The following MATN2 variants were observed in gnomAD, a reference collection of about 807,000 sequenced individuals.
MATN2 encodes the protein matrilin 2.
In MATN2, 69 loss-of-function variants were observed where a neutral mutation model predicts 103.2. The observed-to-expected ratio is 0.67, with a 90% CI of 0.55 to 0.82. The LOEUF (loss-of-function observed/expected upper bound fraction) is 0.82, where lower values mean the gene tolerates loss of function less well. Among genes scored for constraint, MATN2 ranks in the 40% least tolerant of loss-of-function variants. MATN2 has a pLI of 0.00. For missense variants in MATN2, 1,023 were observed against 1,211.5 expected (o/e 0.84, Z 2.31); for synonymous variants, 429 against 450.2 (o/e 0.95, Z 0.60).
At chr8:97,875,984 T>C (rs1354845105) in intron 1 of MATN2, among the ~76,000 whole-genome samples, 3 of 150,970 alleles carry the variant, frequency 2.0e-5, no homozygotes, top group South Asian at 2.1e-4. Context: ...CGTGAGCCAC[T>C]GCGCCTGGCC....
intron 5 of MATN2, among the ~76,000 whole-genome samples, chr8:97,962,473 G>T (rs1187652400): frequency 6.6e-6 from 1 of 152,196 alleles, no homozygotes; most frequent in Non-Finnish European, 1.5e-5. Flanking sequence ...AAAGTTAGGT[G>T]GTAGCCTGCA....
chr8:97,911,561 G>T (rs1563661718), intron 2 of MATN2, among the ~76,000 whole-genome samples: 1 of 151,848 alleles, frequency 6.6e-6, no homozygotes, highest in Non-Finnish European at 1.5e-5. Context: ...GCAAAAAATA[G>T]CTGGGCATGG....
chr8:97,991,412 C>G (rs1393450534), intron 6 of MATN2, among the ~76,000 whole-genome samples: 2 of 152,194 alleles, frequency 1.3e-5, no homozygotes, highest in Non-Finnish European at 2.9e-5. Flanking sequence ...TGCCACCATG[C>G]TCAGCTAACT....
chr8:98,021,113 G>A (rs1813574173), intron 12 of MATN2, 92 bp from the exon 13 acceptor site: 2 of 1,273,984 alleles, frequency 1.6e-6, no homozygotes, highest in African/African-American at 3.0e-5. Flanking sequence ...TTCTTTAAAA[G>A]AGATTACTTC....
intron 3 of MATN2, among the ~76,000 whole-genome samples, chr8:97,933,550 C>T (rs577204959): frequency 2.2e-5 from 3 of 134,590 alleles, no homozygotes; most frequent in Non-Finnish European, 4.7e-5. Flanking sequence ...ATCCTGGTGT[C>T]GAATAGGATA....
chr8:97,876,121 C>T (rs1195448829), intron 1 of MATN2, among the ~76,000 whole-genome samples: 1 of 152,076 alleles, frequency 6.6e-6, no homozygotes, highest in Non-Finnish European at 1.5e-5. Flanking sequence ...TAGCCAACCT[C>T]CCACCTCAGC....
chr8:97,999,470 C>T (rs11785807), intron 7 of MATN2, among the ~76,000 whole-genome samples: 71,477 of 152,064 alleles, frequency 0.47, 17,700 homozygotes, highest in Non-Finnish European at 0.53. Context: ...GTGATTCCTA[C>T]AGGCAGTAGA....
At chr8:98,011,801 G>A (rs1315717220) in intron 10 of MATN2, among the ~76,000 whole-genome samples, 1 of 152,164 alleles carries the variant, frequency 6.6e-6, no homozygotes, top group Non-Finnish European at 1.5e-5. Context: ...CACGGCAGAG[G>A]TGCAAGTCCA....
intron 4 of MATN2, among the ~76,000 whole-genome samples, chr8:97,949,384 G>A (rs1028903982): frequency 6.6e-6 from 1 of 151,992 alleles, no homozygotes; most frequent in African/African-American, 2.4e-5. Flanking sequence ...ATGTTGGCCA[G>A]GCTGGTCTTG....
At chr8:97,908,678 C>T (rs1332003852) in intron 2 of MATN2, among the ~76,000 whole-genome samples, 1 of 152,184 alleles carries the variant, frequency 6.6e-6, no homozygotes, top group African/African-American at 2.4e-5. Context: ...GCCACCCAGA[C>T]TGGAGTGTGG....
At chr8:97,911,148 C>G (rs997331550) in intron 2 of MATN2, among the ~76,000 whole-genome samples, 1 of 150,646 alleles carries the variant, frequency 6.6e-6, no homozygotes, top group African/African-American at 2.5e-5. Context: ...GCCACCAGGC[C>G]CAGCTAATTT....
rs16896490 is a variant in MATN2, at chr8:97,982,231, G to A, written c.1081+3223G>A. Among the ~76,000 whole-genome samples the A allele has an allele frequency of 0.026, 3,922 of 152,318 alleles. 80 individuals carry two copies. Among genetic ancestry groups the A allele is most frequent in the Non-Finnish European group, 0.039 (2,684 of 68,016 alleles). ...TAGAAAATAAGGCAAAAGCCCAGTC[G>A]TAAGAATGAAACACTCAGGAGTGCT... On this transcript the variant is annotated intron_variant, in intron 6 of 18. Transcript: ENST00000254898. The surrounding 1 kb of genome is among the most constrained non-coding windows in gnomAD (Gnocchi z 4.3).
intron 2 of MATN2, among the ~76,000 whole-genome samples, chr8:97,921,004 T>C (rs997125286): frequency 6.6e-6 from 1 of 152,218 alleles, no homozygotes; most frequent in Admixed American, 6.5e-5. Context: ...TGGGACCAGC[T>C]GTCTCCCTTC....
chr8:97,906,127 G>A (rs1819161551), intron 2 of MATN2, among the ~76,000 whole-genome samples: 1 of 152,078 alleles, frequency 6.6e-6, no homozygotes, highest in Non-Finnish European at 1.5e-5. Context: ...GTTCAACAGT[G>A]GCTGCAGCAT....
intron 6 of MATN2, among the ~76,000 whole-genome samples, chr8:97,984,435 T>C (rs1812128289): frequency 6.6e-6 from 1 of 152,256 alleles, no homozygotes; most frequent in Non-Finnish European, 1.5e-5. Context: ...AGTGACCATC[T>C]AAATTTTAAT....
At chr8:98,013,758 T>G (rs535950482) in intron 10 of MATN2, among the ~76,000 whole-genome samples, 1 of 152,356 alleles carries the variant, frequency 6.6e-6, no homozygotes, top group South Asian at 2.1e-4. Flanking sequence ...ATTCTGCTTC[T>G]GGATGTGTAA....
chr8:97,900,305 C>A (rs758694833), intron 2 of MATN2, among the ~76,000 whole-genome samples: 4 of 152,164 alleles, frequency 2.6e-5, no homozygotes, highest in Non-Finnish European at 5.9e-5. Context: ...CCAGATGGAC[C>A]AAGAGCTGGG....
At chr8:97,889,097 C>A (rs895823073) in intron 2 of MATN2, among the ~76,000 whole-genome samples, 6 of 152,106 alleles carry the variant, frequency 3.9e-5, no homozygotes, top group Admixed American at 3.3e-4. Flanking sequence ...CTATTAAGTT[C>A]TTTGAAACTG....
At chr8:97,916,362 G>A (rs1454817866) in intron 2 of MATN2, among the ~76,000 whole-genome samples, 3 of 152,172 alleles carry the variant, frequency 2.0e-5, no homozygotes, top group Non-Finnish European at 4.4e-5. Flanking sequence ...GAGCCACTGT[G>A]CCTGACCTGA....
Sources: gnomAD v4.1 joint callset for allele counts (sites outside exome capture counted in the v4.1 genomes callset) on GRCh38, gnomAD v4.1.1 for gene constraint, Gnocchi (gnomAD v3.1) non-coding constraint, MANE v1.5 for transcripts, NCBI Gene and HGNC (gene_info 2026-07-23, HGNC 2026-07-21) for gene names.